The following LRRD1 variants were observed in gnomAD, a reference collection of about 807,000 sequenced individuals.
LRRD1 encodes leucine-rich repeat and death domain-containing protein 1.
LRRD1 carries 49 observed loss-of-function variants against 69.5 expected under a neutral mutation model. That is an observed-to-expected ratio of 0.70 (90% confidence interval 0.56 to 0.89). LRRD1 has a LOEUF of 0.89. LRRD1 is among the 40% of genes least tolerant of loss of function. The probability of loss-of-function intolerance (pLI) is 0.00; values close to 1 mark genes in which losing one functional copy is unlikely to be tolerated. For missense variants in LRRD1, 853 were observed against 956.0 expected (o/e 0.89, Z 1.42); for synonymous variants, 303 against 338.9 (o/e 0.89, Z 1.16).
chr7:92,142,406 C>T (rs893131612), downstream of LRRD1: 33 of 453,458 alleles, frequency 7.3e-5, 1 homozygote, highest in Admixed American at 3.4e-4. Context: ...ATCCAGCTCT[C>T]GGCAGACTAC....
intron 1 of LRRD1, among the ~76,000 whole-genome samples, chr7:92,167,493 G>C (rs772868832): frequency 1.3e-5 from 2 of 152,130 alleles, no homozygotes; most frequent in Non-Finnish European, 1.5e-5. Flanking sequence ...CAACTTTTCT[G>C]TAAGTCTAAA....
downstream of LRRD1, among the ~76,000 whole-genome samples, chr7:92,143,905 G>A (rs1820243454): frequency 6.6e-6 from 1 of 152,370 alleles, no homozygotes; most frequent in African/African-American, 2.4e-5. Context: ...CTTTTCCTGG[G>A]TCAGAATCAA....
chr7:92,176,912 G>T (rs1448187403), intron 1 of LRRD1, among the ~76,000 whole-genome samples: 1 of 148,552 alleles, frequency 6.7e-6, no homozygotes, highest in Non-Finnish European at 1.5e-5. Flanking sequence ...AGTCAAACTT[G>T]GTTATGATAT....
At chr7:92,154,697 G>GA (rs1788615869) in intron 3 of LRRD1, among the ~76,000 whole-genome samples, 1 of 152,006 alleles carries the variant, frequency 6.6e-6, no homozygotes, top group Admixed American at 6.6e-5. Flanking sequence ...TTATATTGTG[G>GA]TTATTTATTT....
At chr7:92,154,279 A>G (rs1280449809) in intron 3 of LRRD1, among the ~76,000 whole-genome samples, 2 of 151,930 alleles carry the variant, frequency 1.3e-5, no homozygotes, top group Non-Finnish European at 2.9e-5. Context: ...TGGCTTTGTC[A>G]CCCAGGCTGG....
chr7:92,150,239 G>A (rs1257816335), intron 4 of LRRD1, among the ~76,000 whole-genome samples: 1 of 152,156 alleles, frequency 6.6e-6, no homozygotes. Flanking sequence ...CAAGACAGGA[G>A]GATTGCTTGA....
chr7:92,171,501 A>G (rs1440281697), intron 1 of LRRD1, among the ~76,000 whole-genome samples: 1 of 152,242 alleles, frequency 6.6e-6, no homozygotes, highest in Non-Finnish European at 1.5e-5. Context: ...TCAACAAACC[A>G]GTAATGAGAA....
intron 4 of LRRD1, chr7:92,149,972 A>G (rs968251922): frequency 2.2e-6 from 1 of 450,390 alleles, no homozygotes; most frequent in East Asian, 7.0e-5. Flanking sequence ...ATTAAGGTCA[A>G]TAGGGTAGGA....
At chr7:92,142,725 G>C, downstream of LRRD1, 1 of 424,720 alleles carries the variant, frequency 2.4e-6, no homozygotes, top group Non-Finnish European at 4.7e-6. Context: ...TGAAGCTGCA[G>C]ACCTTCGCAG....
chr7:92,178,469 G>A (rs1290126473), intron 1 of LRRD1, among the ~76,000 whole-genome samples: 3 of 151,986 alleles, frequency 2.0e-5, no homozygotes. Context: ...TCAGGAGTTC[G>A]AGACCAGCCT....
intron 3 of LRRD1, among the ~76,000 whole-genome samples, chr7:92,158,238 C>A (rs1788709323): frequency 6.6e-6 from 1 of 151,968 alleles, no homozygotes; most frequent in Admixed American, 6.6e-5. Flanking sequence ...CCCTATAATC[C>A]CAGCACTTTG....
At chr7:92,162,484 T>C (rs893001370) in intron 2 of LRRD1, among the ~76,000 whole-genome samples, 1 of 152,188 alleles carries the variant, frequency 6.6e-6, no homozygotes, top group African/African-American at 2.4e-5. Context: ...GATCTTCATA[T>C]AAATCAGTAA....
rs558241642 is a variant in LRRD1, at chr7:92,150,814, C to A, written c.2117-119G>T. 1.8e-4 allele frequency: 119 copies of A among 679,632 alleles called. No individual in the cohort carries two copies. The African/African-American group carries it at 2.1e-3, about 12-fold the overall frequency. 42.1% of individuals were successfully genotyped at this position (679,632 alleles called of 1,614,324 possible). On this transcript the variant is annotated intron_variant, in intron 3 of 5. Transcript: ENST00000458448. ...AGAGGACCCTCACAATGCAGCAGGT[C>A]ATAAATTATTTCTGATGTCCACATG...
rs1466604464 is a variant in LRRD1, at chr7:92,159,009, C to T, written c.2112G>A (p.Leu704=). 1 of 1,538,780 alleles carries T rather than the reference C, an allele frequency of 6.5e-7. No individual in the cohort carries two copies. The highest frequency in any genetic ancestry group is 1.2e-5 in the South Asian group (1 of 80,980). ...LSLNDLQQLN[L]SGNNLTALPS... is the part of the protein sequence containing the mutation. ...CTGATTATGCTTGACACTCACCACT[C>T]AGGTTTAGTTGCTGCAGATCATTTA... Residue 704 remains leucine (L), a synonymous_variant, in exon 3 of 6, where the codon CTG becomes CTA. Coordinates refer to ENST00000458448, the MANE Select transcript of LRRD1 (RefSeq NM_001161528.2).
intron 1 of LRRD1, among the ~76,000 whole-genome samples, chr7:92,174,503 ATATATATTT>A (rs1257542676): frequency 5.0e-5 from 1 of 20,104 alleles, no homozygotes. Flanking sequence ...ATATATATAT[ATATATATTT>A]TTTTTTTTTT....
rs1171996571 is a variant in LRRD1 at position 92,163,928 on chromosome 7, T to C, written c.1275A>G (p.Val425=). The change falls in exon 2 of 6, where the codon GTA becomes GTG. Residue 425 remains valine, a synonymous_variant. Transcript: ENST00000458448. ...TTATTTTTACCATATTATTTCTGTT[T>C]ACATGGAGTTTTCTTAAATTGTTAA... ...HKLNNLRKLH[V]NRNNMVKITD... is the part of the protein sequence containing the mutation. The C allele has an allele frequency of 6.5e-7, 1 of 1,537,494 alleles. No homozygotes were observed. The highest frequency in any genetic ancestry group is 1.7e-4 in the Middle Eastern group (1 of 5,898).
intron 4 of LRRD1, among the ~76,000 whole-genome samples, chr7:92,149,339 C>T (rs1237609067): frequency 6.6e-6 from 1 of 152,132 alleles, no homozygotes; most frequent in African/African-American, 2.4e-5. Flanking sequence ...TTCCATTTCC[C>T]CAAATCTGGA....
At chr7:92,156,963 G>GT (rs921989974) in intron 3 of LRRD1, among the ~76,000 whole-genome samples, 1 of 145,826 alleles carries the variant, frequency 6.9e-6, no homozygotes, top group Non-Finnish European at 1.5e-5. Context: ...CTTGCTGAGA[G>GT]TTTTTTTGTT....
chr7:92,162,603 A>C (rs556812624), intron 2 of LRRD1, among the ~76,000 whole-genome samples: 3 of 152,344 alleles, frequency 2.0e-5, no homozygotes, highest in South Asian at 2.1e-4. Flanking sequence ...GCAATTCTTC[A>C]GGAAAAATTT....
Sources: gnomAD v4.1 joint callset for allele counts (sites outside exome capture counted in the v4.1 genomes callset) on GRCh38, gnomAD v4.1.1 for gene constraint, MANE v1.5 for transcripts, NCBI Gene and HGNC (gene_info 2026-07-23, HGNC 2026-07-21) for gene names.